Variants in SLC31A1 observed in about 807,000 individuals in gnomAD.
SLC31A1 encodes solute carrier family 31 member 1, also known as high affinity copper uptake protein 1.
A neutral mutation model predicts 17.2 loss-of-function variants in SLC31A1; 5 were observed. The observed-to-expected ratio is 0.29, with a 90% CI of 0.15 to 0.61. SLC31A1 has a LOEUF of 0.61. Among genes scored for constraint, SLC31A1 ranks in the 20% least tolerant of loss-of-function variants. The pLI is 0.86. For synonymous variants in SLC31A1, 76 were observed against 78.8 expected, an observed-to-expected ratio of 0.96 and a Z score of 0.19; for missense variants, 161 against 241.4, an observed-to-expected ratio of 0.67 and a Z score of 2.21.
At chr9:113,251,996 T>G (rs1831659434) in intron 1 of SLC31A1, among the ~76,000 whole-genome samples, 2 of 152,234 alleles carry the variant, frequency 1.3e-5, no homozygotes, top group African/African-American at 4.8e-5. Flanking sequence ...GATTCTGCTC[T>G]TGTTCTATCT....
At chr9:113,243,154 A>AGG (rs2118999803) in intron 1 of SLC31A1, among the ~76,000 whole-genome samples, 1 of 152,204 alleles carries the variant, frequency 6.6e-6, no homozygotes, top group African/African-American at 2.4e-5. Context: ...AGTTAAGGAA[A>AGG]ATGAAGCTCT....
intron 1 of SLC31A1, among the ~76,000 whole-genome samples, chr9:113,226,933 G>A (rs1415724721): frequency 6.6e-6 from 1 of 152,044 alleles, no homozygotes; most frequent in Non-Finnish European, 1.5e-5. Flanking sequence ...CTTTTCTGAT[G>A]GCTTTTTATG....
chr9:113,257,208 T>A, intron 3 of SLC31A1, 23 bp downstream of exon 3: 1 of 1,596,782 alleles, frequency 6.3e-7, no homozygotes, highest in East Asian at 2.2e-5. Context: ...TTAGGTAGTG[T>A]TGGAAGGTGA....
rs1371794384 is a variant in SLC31A1, at chr9:113,264,096, C to T, written c.*3623C>T. 2 of 152,224 alleles carry T rather than the reference C, an allele frequency of 1.3e-5. No homozygotes were observed. The highest frequency in any genetic ancestry group is 1.5e-5 in the Non-Finnish European group (1 of 68,094). 9.4% of individuals were successfully genotyped at this position (152,224 alleles called of 1,614,324 possible). ...GAGGCCAAGCGGGGGTGCAGATCACCTGAGGTCAGGAGTTTGAGACCAGCC... is the reference window on the plus strand; with the variant it reads ...GAGGCCAAGCGGGGGTGCAGATCACTTGAGGTCAGGAGTTTGAGACCAGCC... On this transcript the variant is annotated 3_prime_UTR_variant, in exon 5 of 5. Transcript: ENST00000374212.
At chr9:113,245,400 C>T (rs1039535812) in intron 1 of SLC31A1, among the ~76,000 whole-genome samples, 15 of 152,020 alleles carry the variant, frequency 9.9e-5, no homozygotes, top group African/African-American at 3.6e-4. Context: ...GCATTTTATA[C>T]ACTTTATAAT....
intron 1 of SLC31A1, among the ~76,000 whole-genome samples, chr9:113,236,859 C>T (rs1223785607): frequency 6.6e-6 from 1 of 152,184 alleles, no homozygotes; most frequent in Non-Finnish European, 1.5e-5. Flanking sequence ...TTAAGGTGGG[C>T]TTCAGCCCAC....
At chr9:113,251,779 G>C (rs1201184878) in intron 1 of SLC31A1, among the ~76,000 whole-genome samples, 1 of 152,082 alleles carries the variant, frequency 6.6e-6, no homozygotes, top group Non-Finnish European at 1.5e-5. Flanking sequence ...ATTTAGCTTT[G>C]GCATATTCCC....
intron 1 of SLC31A1, among the ~76,000 whole-genome samples, chr9:113,234,480 A>ATTTTTTTT (rs869088669): frequency 1.7e-5 from 1 of 60,230 alleles, no homozygotes; most frequent in African/African-American, 7.1e-5. Flanking sequence ...CCTGGCCATC[A>ATTTTTTTT]TTTTTTTTTT....
intron 1 of SLC31A1, among the ~76,000 whole-genome samples, chr9:113,246,644 C>T (rs112256874): frequency 7.2e-5 from 11 of 152,048 alleles, no homozygotes; most frequent in Non-Finnish European, 1.6e-4. Flanking sequence ...AGCCACTGCA[C>T]GCGGCCGATA....
At chr9:113,256,341 A>C in intron 2 of SLC31A1, 64 bp downstream of exon 2, 1 of 1,579,958 alleles carries the variant, frequency 6.3e-7, no homozygotes, top group South Asian at 1.1e-5. Context: ...GAAATAATGG[A>C]ATTTTAGTAC....
At chr9:113,235,966 A>G (rs1564207357) in intron 1 of SLC31A1, among the ~76,000 whole-genome samples, 1 of 152,204 alleles carries the variant, frequency 6.6e-6, no homozygotes, top group Non-Finnish European at 1.5e-5. Flanking sequence ...TATATCAATC[A>G]TTATTCAGAA....
intron 1 of SLC31A1, among the ~76,000 whole-genome samples, chr9:113,235,940 G>A (rs1290575065): frequency 6.6e-6 from 1 of 152,192 alleles, no homozygotes; most frequent in African/African-American, 2.4e-5. Context: ...CCACTGAAAT[G>A]TTAGAATGGC....
In SLC31A1 at chr9:113,238,272, T is replaced by C. The variant is rs552403591; in HGVS notation, c.-36+16594T>C. Among the ~76,000 whole-genome samples the C allele has an allele frequency of 7.2e-5, 11 of 152,322 alleles. 1 individual carries two copies. The South Asian group carries it at 2.3e-3, about 32-fold the overall frequency. On this transcript the variant is annotated intron_variant, in intron 1 of 4. Transcript: ENST00000374212. Reference sequence around the variant, plus strand: ...TTGAGTCGGTAGAGGTCAGGGATACTGTTAAACATCCAGTGATACACAAGA... The same window carrying C: ...TTGAGTCGGTAGAGGTCAGGGATACCGTTAAACATCCAGTGATACACAAGA...
At chr9:113,240,638 T>G (rs984674008) in intron 1 of SLC31A1, among the ~76,000 whole-genome samples, 1 of 152,114 alleles carries the variant, frequency 6.6e-6, no homozygotes, top group Non-Finnish European at 1.5e-5. Flanking sequence ...TTGTGCATGA[T>G]AAATGTTGAA....
intron 1 of SLC31A1, among the ~76,000 whole-genome samples, chr9:113,228,016 T>C (rs1038558774): frequency 2.8e-4 from 43 of 152,338 alleles, no homozygotes; most frequent in African/African-American, 1.0e-3. Context: ...ACCTTAAAAT[T>C]GGAAAGTATT....
chr9:113,233,591 C>T (rs949298821), intron 1 of SLC31A1, among the ~76,000 whole-genome samples: 4 of 152,254 alleles, frequency 2.6e-5, no homozygotes, highest in South Asian at 2.1e-4. Context: ...TTACACAGTG[C>T]GTTAGAAAAC....
intron 1 of SLC31A1, among the ~76,000 whole-genome samples, chr9:113,244,843 T>G (rs1260083119): frequency 6.6e-6 from 1 of 152,238 alleles, no homozygotes; most frequent in East Asian, 1.9e-4. Flanking sequence ...GCAAGTGCCG[T>G]GTGGACTGCT....
intron 1 of SLC31A1, chr9:113,223,246 G>T (rs1194984631): frequency 2.2e-6 from 1 of 453,780 alleles, no homozygotes; most frequent in Non-Finnish European, 4.4e-6. Flanking sequence ...AAACACAGCT[G>T]CTGATTCTCA....
intron 1 of SLC31A1, among the ~76,000 whole-genome samples, chr9:113,224,540 A>G (rs936576031): frequency 6.6e-6 from 1 of 151,196 alleles, no homozygotes; most frequent in African/African-American, 2.4e-5. Context: ...GCGATTCTCC[A>G]GCCTCACCCT....
Sources: gnomAD v4.1 joint callset for allele counts (sites outside exome capture counted in the v4.1 genomes callset) on GRCh38, gnomAD v4.1.1 for gene constraint, MANE v1.5 for transcripts, NCBI Gene and HGNC (gene_info 2026-07-23, HGNC 2026-07-21) for gene names.